The following CSMD1 variants were observed in gnomAD, a reference collection of about 807,000 sequenced individuals.
The protein encoded by CSMD1 is CUB and sushi domain-containing protein 1.
Under a neutral mutation model 417.5 loss-of-function variants are expected in CSMD1, and 213 were observed. The observed-to-expected ratio is 0.51, with a 90% confidence interval of 0.46 to 0.57. CSMD1 has a LOEUF of 0.57. Among genes scored for constraint, CSMD1 ranks in the 20% least tolerant of loss-of-function variants. CSMD1 has a pLI of 0.00. For missense variants in CSMD1, 6,923 were observed against 4,529.7 expected, an observed-to-expected ratio of 1.53 and a Z score of -15.17; for synonymous variants, 2,862 against 1,736.8, an observed-to-expected ratio of 1.65 and a Z score of -16.11.
intron 1 of CSMD1, among the ~76,000 whole-genome samples, chr8:4,709,164 T>G (rs1036511568): frequency 6.6e-6 from 1 of 152,018 alleles, no homozygotes; most frequent in Non-Finnish European, 1.5e-5. Flanking sequence ...AGCAATATGG[T>G]GTTTGATGCA....
intron 20 of CSMD1, among the ~76,000 whole-genome samples, chr8:3,360,303 T>A (rs928284196): frequency 9.2e-5 from 14 of 152,350 alleles, no homozygotes; most frequent in South Asian, 2.1e-4. Flanking sequence ...ATTCAAAATG[T>A]CAGCACTGAT....
At chr8:3,349,380 T>C (rs1394887335) in intron 21 of CSMD1, among the ~76,000 whole-genome samples, 5 of 152,114 alleles carry the variant, frequency 3.3e-5, no homozygotes, top group African/African-American at 9.7e-5. Flanking sequence ...AGATCCATGA[T>C]TGCCCCCCAG....
intron 17 of CSMD1, among the ~76,000 whole-genome samples, chr8:3,395,555 C>T (rs1371503525): frequency 6.6e-6 from 1 of 152,108 alleles, no homozygotes; most frequent in Non-Finnish European, 1.5e-5. Flanking sequence ...GAAAACTTTC[C>T]ATGTGGAAGT....
intron 12 of CSMD1, among the ~76,000 whole-genome samples, chr8:3,416,548 G>C (rs1020161986): frequency 6.6e-6 from 1 of 152,158 alleles, no homozygotes; most frequent in Non-Finnish European, 1.5e-5. Context: ...AGACATAACT[G>C]TGCCGTCAGA....
intron 5 of CSMD1, among the ~76,000 whole-genome samples, chr8:3,800,159 G>A (rs147850828): frequency 6.6e-6 from 1 of 152,050 alleles, no homozygotes; most frequent in African/African-American, 2.4e-5. Flanking sequence ...TGTGGAAAAA[G>A]AACAAAAATC....
At chr8:4,606,478 C>G (rs781676945) in intron 2 of CSMD1, among the ~76,000 whole-genome samples, 1 of 152,134 alleles carries the variant, frequency 6.6e-6, no homozygotes, top group Non-Finnish European at 1.5e-5. Flanking sequence ...CATCCGATGC[C>G]AAGCCCTTTA....
intron 1 of CSMD1, among the ~76,000 whole-genome samples, chr8:4,926,830 C>A (rs1806902400): frequency 6.6e-6 from 1 of 152,100 alleles, no homozygotes; most frequent in Non-Finnish European, 1.5e-5. Context: ...CTACCTAGAA[C>A]TCCTCCCTAA....
intron 5 of CSMD1, among the ~76,000 whole-genome samples, chr8:3,899,276 C>A (rs1366876996): frequency 2.6e-5 from 4 of 152,190 alleles, no homozygotes; most frequent in Non-Finnish European, 5.9e-5. Context: ...GCTCCCCGCC[C>A]TGCTAAGAAA....
intron 3 of CSMD1, among the ~76,000 whole-genome samples, chr8:4,202,112 T>C (rs1799690113): frequency 6.6e-6 from 1 of 152,160 alleles, no homozygotes. Flanking sequence ...TGTTAGTTTT[T>C]TTTTCTAGAG....
chr8:3,405,913 G>C (rs895394637), intron 15 of CSMD1, 114 bp downstream of exon 15: 1 of 909,546 alleles, frequency 1.1e-6, no homozygotes, highest in Non-Finnish European at 1.7e-6. Flanking sequence ...GACTGTGTGT[G>C]GTATTTTGTT....
chr8:3,052,407 G>A, intron 50 of CSMD1, 55 bp downstream of exon 50: 11 of 1,414,518 alleles, frequency 7.8e-6, no homozygotes, highest in Non-Finnish European at 9.5e-6. Flanking sequence ...TCTCCCGAAA[G>A]CATTCAGTTC....
intron 12 of CSMD1, among the ~76,000 whole-genome samples, chr8:3,454,833 T>C (rs1442905789): frequency 6.6e-6 from 1 of 152,174 alleles, no homozygotes; most frequent in African/African-American, 2.4e-5. Context: ...GCATTCTCTG[T>C]ATTTCCTGAA....
intron 52 of CSMD1, among the ~76,000 whole-genome samples, chr8:3,005,741 T>C (rs1411182259): frequency 6.6e-6 from 1 of 152,148 alleles, no homozygotes; most frequent in African/African-American, 2.4e-5. Context: ...CTAAAAACTC[T>C]CAATAAATTA....
intron 1 of CSMD1, among the ~76,000 whole-genome samples, chr8:4,792,967 G>A (rs1797771260): frequency 8.0e-6 from 1 of 125,656 alleles, no homozygotes; most frequent in Admixed American, 9.6e-5. Context: ...GAATATATGT[G>A]TATATATGTG....
At chr8:4,412,839 T>C (rs908182148) in intron 3 of CSMD1, among the ~76,000 whole-genome samples, 11 of 152,140 alleles carry the variant, frequency 7.2e-5, no homozygotes, top group African/African-American at 2.7e-4. Context: ...AACCAAATTG[T>C]AATGGAAGAA....
intron 3 of CSMD1, among the ~76,000 whole-genome samples, chr8:4,077,108 A>C (rs1799859278): frequency 6.6e-6 from 1 of 151,694 alleles, no homozygotes; most frequent in Non-Finnish European, 1.5e-5. Flanking sequence ...CCCCTACTTC[A>C]TTTTAGTGAT....
rs1810478328 is a variant in CSMD1, at chr8:4,739,742, C to G, written c.86-102184G>C. ...GGAGCTCGTGGTGGTACTTTGCTCC[C>G]TATCCCTTCCCACAAAGATTCTCCA... is the stretch of plus-strand genomic sequence containing the variant. On this transcript the variant is annotated intron_variant, in intron 1 of 69. Coordinates refer to ENST00000635120, the MANE Select transcript of CSMD1 (RefSeq NM_033225.6). Among the ~76,000 whole-genome samples, 3 of 152,108 alleles carry G rather than the reference C, an allele frequency of 2.0e-5. No individual in the cohort carries two copies. In the South Asian group the frequency reaches 6.2e-4, roughly 31 times the overall value.
chr8:4,955,719 G>T lies in CSMD1; in HGVS notation c.85+38613C>A, dbSNP rs945826410. Among the ~76,000 whole-genome samples the T allele has an allele frequency of 3.4e-5, 5 of 145,778 alleles. No homozygotes were observed. In the Admixed American group the frequency reaches 3.5e-4, roughly 10 times the overall value. On this transcript the variant is annotated intron_variant, in intron 1 of 69. Transcript: ENST00000635120. ...GATCCACCCACCTCGGCCTCCTAAAGTGCTGGGATTACAGGCGTGAGCCAC... is the reference window on the plus strand; with the variant it reads ...GATCCACCCACCTCGGCCTCCTAAATTGCTGGGATTACAGGCGTGAGCCAC...
chr8:4,882,938 G>A (rs1803504168), intron 1 of CSMD1, among the ~76,000 whole-genome samples: 1 of 151,834 alleles, frequency 6.6e-6, no homozygotes, highest in African/African-American at 2.4e-5. Context: ...CCATCAAGAG[G>A]GAGCTAGCAG....
Sources: allele counts gnomAD v4.1 joint callset (sites outside exome capture counted in the v4.1 genomes callset), GRCh38; gene constraint gnomAD v4.1.1; transcripts MANE v1.5; gene names NCBI Gene and HGNC (gene_info 2026-07-23, HGNC 2026-07-21).